Variants in PCDH7 observed in about 807,000 individuals in gnomAD.
PCDH7 encodes the protein protocadherin-7.
Under a neutral mutation model 58.9 loss-of-function variants are expected in PCDH7, and 17 were observed. That is an observed-to-expected ratio of 0.29 (90% CI 0.20 to 0.43). The LOEUF (loss-of-function observed/expected upper bound fraction) is 0.43, where lower values mean the gene tolerates loss of function less well. Ranked by LOEUF, PCDH7 falls within the 20% of genes least tolerant of loss-of-function variation. PCDH7 has a pLI of 1.00. For missense variants in PCDH7, 1,274 were observed against 1,441.0 expected, an observed-to-expected ratio of 0.88 and a Z score of 1.88; for synonymous variants, 664 against 616.4, an observed-to-expected ratio of 1.08 and a Z score of -1.14.
At chr4:30,873,763 T>C (rs1189316165) in intron 1 of PCDH7, among the ~76,000 whole-genome samples, 1 of 152,078 alleles carries the variant, frequency 6.6e-6, no homozygotes, top group Non-Finnish European at 1.5e-5. Flanking sequence ...CTGACACTAA[T>C]TTGGATAAAT....
chr4:30,874,050 T>A (rs1735955564), intron 1 of PCDH7, among the ~76,000 whole-genome samples: 2 of 152,054 alleles, frequency 1.3e-5, no homozygotes, highest in South Asian at 4.2e-4. Flanking sequence ...AAACAACAGG[T>A]GCTGGAGAGG....
At chr4:31,097,634 ATAT>A (rs1560221914) in intron 3 of PCDH7, among the ~76,000 whole-genome samples, 3 of 32,560 alleles carry the variant, frequency 9.2e-5, no homozygotes, top group African/African-American at 2.4e-4. Flanking sequence ...ATATATATAT[ATAT>A]AAATCTTTTT....
chr4:30,820,302 C>G (rs2109320830), intron 1 of PCDH7, among the ~76,000 whole-genome samples: 1 of 152,220 alleles, frequency 6.6e-6, no homozygotes, highest in South Asian at 2.1e-4. Context: ...TCTTAATTTT[C>G]ATACTTTTGA....
intron 1 of PCDH7, among the ~76,000 whole-genome samples, chr4:30,862,694 T>C (rs2109355392): frequency 6.6e-6 from 1 of 152,292 alleles, no homozygotes; most frequent in African/African-American, 2.4e-5. Context: ...TTTTGCTTTT[T>C]GCTTTCTTTT....
chr4:30,841,543 T>A (rs561447193), intron 1 of PCDH7, among the ~76,000 whole-genome samples: 3 of 152,168 alleles, frequency 2.0e-5, no homozygotes, highest in Non-Finnish European at 4.4e-5. Flanking sequence ...AACTTGTTTT[T>A]CTGACGTGAT....
At chr4:31,062,535 T>C (rs1349039675) in intron 3 of PCDH7, among the ~76,000 whole-genome samples, 2 of 151,774 alleles carry the variant, frequency 1.3e-5, no homozygotes, top group Admixed American at 6.6e-5. Context: ...GCCAAACCCT[T>C]CTGAGTTGTA....
chr4:31,128,797 C>G (rs1319810922), intron 3 of PCDH7, among the ~76,000 whole-genome samples: 1 of 152,082 alleles, frequency 6.6e-6, no homozygotes, highest in Non-Finnish European at 1.5e-5. Context: ...TAAAACACTT[C>G]CATGGGTTAT....
chr4:30,749,432 C>CGAGGAAAGA (rs1718213522), intron 1 of PCDH7, among the ~76,000 whole-genome samples: 5 of 152,120 alleles, frequency 3.3e-5, no homozygotes, highest in Non-Finnish European at 5.9e-5. Flanking sequence ...AGAACAGTCT[C>CGAGGAAAGA]TGGAACTCTG....
intron 1 of PCDH7, among the ~76,000 whole-genome samples, chr4:30,838,631 C>T (rs532443282): frequency 3.9e-5 from 6 of 152,142 alleles, no homozygotes; most frequent in Admixed American, 3.9e-4. Flanking sequence ...GCTCAGGCAG[C>T]CCAAGAATTC....
chr4:30,768,317 T>TACATCTTCCAAGTAGTATGCAC (rs1720999938), intron 1 of PCDH7, among the ~76,000 whole-genome samples: 1 of 152,262 alleles, frequency 6.6e-6, no homozygotes, highest in East Asian at 1.9e-4. Flanking sequence ...GTAGTATGCA[T>TACATCTTCCAAGTAGTATGCAC]ACATCTTCCA....
chr4:30,852,202 CA>C, intron 1 of PCDH7, among the ~76,000 whole-genome samples: 1 of 152,114 alleles, frequency 6.6e-6, no homozygotes, highest in East Asian at 1.9e-4. Flanking sequence ...GAGACTATGA[CA>C]AAATATAGAA....
At chr4:30,893,431 T>G (rs947508533) in intron 1 of PCDH7, among the ~76,000 whole-genome samples, 1 of 152,086 alleles carries the variant, frequency 6.6e-6, no homozygotes. Flanking sequence ...AATTTCAAAG[T>G]ATCACCAAAT....
intron 1 of PCDH7, among the ~76,000 whole-genome samples, chr4:30,729,152 A>T (rs1374267903): frequency 6.6e-6 from 1 of 151,938 alleles, no homozygotes; most frequent in Non-Finnish European, 1.5e-5. Context: ...ATTGTCAGGG[A>T]TATAATGTGG....
chr4:31,014,320 T>C (rs1029078316), intron 3 of PCDH7, among the ~76,000 whole-genome samples: 2 of 152,212 alleles, frequency 1.3e-5, no homozygotes, highest in Admixed American at 6.5e-5. Context: ...TGATGAAATA[T>C]ACTTGACTTG....
intron 1 of PCDH7, among the ~76,000 whole-genome samples, chr4:30,865,359 A>G (rs536231003): frequency 2.0e-5 from 3 of 152,212 alleles, no homozygotes; most frequent in East Asian, 1.9e-4. Flanking sequence ...GGCTTTTAAT[A>G]AGTATTAGAA....
At chr4:30,872,210 C>T (rs765066642) in intron 1 of PCDH7, among the ~76,000 whole-genome samples, 2 of 152,008 alleles carry the variant, frequency 1.3e-5, no homozygotes, top group Non-Finnish European at 1.5e-5. Context: ...AACGAAGCAA[C>T]TATAATCATA....
In PCDH7 at chr4:31,097,587, CATATATATATATATATATATATATAT is replaced by C. The variant is rs1190443409; in HGVS notation, c.*8-44860_*8-44835del. Reference sequence around the variant, plus strand: ...TGTGGCTGTTTTTCCTCCAAATATACATATATATATATATATATATATATATATATATATATATATATATATATATA... The same window carrying C: ...TGTGGCTGTTTTTCCTCCAAATATACATATATATATATATATATATATATA... On this transcript the variant is annotated intron_variant, in intron 3 of 3. Coordinates refer to the PCDH7 transcript ENST00000509759. Among the ~76,000 whole-genome samples, 42 of 40,092 alleles carry C rather than the reference CATATATATATATATATATATATATAT, an allele frequency of 1.0e-3. 2 individuals carry two copies. The highest frequency in any genetic ancestry group is 3.1e-3 in the Admixed American group (10 of 3,270). The allele number at this position is 40,092 out of a possible 152,430, so 26.3% of individuals were successfully genotyped here.
chr4:31,060,844 G>A (rs1416215908), intron 3 of PCDH7, among the ~76,000 whole-genome samples: 1 of 151,670 alleles, frequency 6.6e-6, no homozygotes, highest in African/African-American at 2.4e-5. Context: ...TTTATTGAAT[G>A]TCAGTTTTTC....
At chr4:30,955,184 G>A (rs1417807210) in intron 3 of PCDH7, among the ~76,000 whole-genome samples, 1 of 151,972 alleles carries the variant, frequency 6.6e-6, no homozygotes, top group African/African-American at 2.4e-5. Context: ...CCAGGAAATT[G>A]TTTGGTGCTC....
Sources: allele counts gnomAD v4.1 joint callset (sites outside exome capture counted in the v4.1 genomes callset), GRCh38; gene constraint gnomAD v4.1.1; transcripts MANE v1.5; gene names NCBI Gene and HGNC (gene_info 2026-07-23, HGNC 2026-07-21).